The following ERBB2 variants were observed in gnomAD, a reference collection of about 807,000 sequenced individuals.
The protein encoded by ERBB2 is erb-b2 receptor tyrosine kinase 2.
A neutral mutation model predicts 149.0 loss-of-function variants in ERBB2; 61 were observed. That is an observed-to-expected ratio of 0.41 (90% CI 0.33 to 0.51). ERBB2 has a LOEUF of 0.51. Ranked by LOEUF, ERBB2 falls within the 20% of genes least tolerant of loss-of-function variation. The probability of loss-of-function intolerance (pLI) is 0.25; values close to 1 mark genes in which losing one functional copy is unlikely to be tolerated. For synonymous variants in ERBB2, 633 were observed against 678.8 expected (o/e 0.93, Z 1.05); for missense variants, 1,205 against 1,655.1 (o/e 0.73, Z 4.72).
chr17:39,715,987 G>GTGCTGGCA (rs758963776), intron 12 of ERBB2, 48 bp downstream of exon 12: 3 of 1,567,492 alleles, frequency 1.9e-6, no homozygotes, highest in African/African-American at 2.7e-5. Flanking sequence ...CCAGCACACA[G>GTGCTGGCA]CAGTGCCCAG....
In ERBB2 at chr17:39,717,378, G is replaced by A. The variant is rs758820578; in HGVS notation, c.1796G>A (p.Arg599His). The A allele has an allele frequency of 6.2e-6, 10 of 1,612,604 alleles. No homozygotes were observed. Among genetic ancestry groups the A allele is most frequent in the East Asian group, 2.2e-5 (1 of 44,884 alleles). Residue 599 changes from arginine to histidine, a missense_variant, in exon 15 of 27, where the codon CGC becomes CAC. This residue lies in a region of ERBB2 where 569 missense variants were observed against 803.5 expected (regional missense o/e 0.71). Transcript: ENST00000269571. ...HYKDPPFCVA[R>H]CPSGVKPDLS... Reference sequence around the variant, plus strand: ...AAGGACCCTCCCTTCTGCGTGGCCCGCTGCCCCAGCGGTGTGAAACCTGAC... The same window carrying A: ...AAGGACCCTCCCTTCTGCGTGGCCCACTGCCCCAGCGGTGTGAAACCTGAC...
At position 39,715,307 on chromosome 17, in the gene ERBB2, C is replaced by T. The variant is rs544011927; in HGVS notation, c.1170C>T (p.Ala390=). 6.8e-6 allele frequency: 11 copies of T among 1,614,028 alleles called. No homozygotes were observed. The South Asian group carries it at 1.1e-4, about 16-fold the overall frequency. Residue 390 remains alanine, a synonymous_variant, in exon 10 of 27, where the codon GCC becomes GCT. Coordinates refer to ENST00000269571, the MANE Select transcript of ERBB2 (RefSeq NM_004448.4). ...CCAGGGACCCAGCCTCCAACACTGC[C>T]CCGCTCCAGCCAGAGCAGCTCCAAG... is the stretch of plus-strand genomic sequence containing the variant. The part of the protein sequence containing the change: ...SFDGDPASNT[A]PLQPEQLQVF...
chr17:39,712,935 G>A (rs962337233), intron 9 of ERBB2, among the ~76,000 whole-genome samples: 11 of 152,126 alleles, frequency 7.2e-5, no homozygotes, highest in South Asian at 4.1e-4. Flanking sequence ...GCTCTGAACC[G>A]AAAAAACCAC....
upstream of ERBB2, chr17:39,699,957 G>A: frequency 8.2e-7 from 1 of 1,222,442 alleles, no homozygotes; most frequent in East Asian, 3.2e-5. Flanking sequence ...AATGCAGTTG[G>A]AGGGGGCGAG....
chr17:39,704,404 C>T (rs1261939677), intron 1 of ERBB2, among the ~76,000 whole-genome samples: 1 of 152,118 alleles, frequency 6.6e-6, no homozygotes, highest in East Asian at 1.9e-4. Context: ...TGAAACCCGC[C>T]TCAACTAAAA....
rs2145471149 is a variant in ERBB2 at position 39,709,342 on chromosome 17, T to C, written c.464T>C (p.Ile155Thr). Residue 155 changes from isoleucine to threonine, a missense_variant, in exon 4 of 27, where the codon ATC becomes ACC. Ile to Thr is a moderately conservative substitution (Grantham distance 89, BLOSUM62 -1). This residue lies in a region of ERBB2 where 569 missense variants were observed against 803.5 expected (regional missense o/e 0.71). Transcript: ENST00000269571. ...LTEILKGGVLIQRNPQLCYQD... is the reference protein window; with the variant it reads ...LTEILKGGVLTQRNPQLCYQD... ...GAGATCTTGAAAGGAGGGGTCTTGA[T>C]CCAGCGGAACCCCCAGCTCTGCTAC... is the stretch of plus-strand genomic sequence containing the variant. 1 of 1,614,030 alleles carries C rather than the reference T, an allele frequency of 6.2e-7. No homozygotes were observed. Among genetic ancestry groups the C allele is most frequent in the Non-Finnish European group, 8.5e-7 (1 of 1,179,990 alleles).
rs977256458 is a variant in ERBB2, at chr17:39,725,617, C to T, written c.2726-90C>T. On this transcript the variant is annotated intron_variant, in intron 22 of 26. Coordinates refer to ENST00000269571, the MANE Select transcript of ERBB2 (RefSeq NM_004448.4). The surrounding 1 kb of genome is among the most constrained non-coding windows in gnomAD (Gnocchi z 4.6). ...GCATCACATCTCCCCCTGCTACCTGCCATGATGCTAGACTCCTGAGCAGAA... is the reference window on the plus strand; with the variant it reads ...GCATCACATCTCCCCCTGCTACCTGTCATGATGCTAGACTCCTGAGCAGAA... 5 of 1,419,944 alleles carry T rather than the reference C, an allele frequency of 3.5e-6. No homozygotes were observed. Among genetic ancestry groups the T allele is most frequent in the Middle Eastern group, 3.6e-4 (2 of 5,502 alleles). 88.0% of individuals were successfully genotyped at this position (1,419,944 alleles called of 1,614,324 possible).
In ERBB2 at chr17:39,727,551, T is replaced by C. The variant is rs2059844222; in HGVS notation, c.3412+4T>C. 6.3e-7 allele frequency: 1 copy of C among 1,598,496 alleles called. No homozygotes were observed. ...CTGACCTGCAGCCCCCAGCCTGGTATGGAGTCCAGTCTAAGCAGAGAGACT... is the reference window on the plus strand; with the variant it reads ...CTGACCTGCAGCCCCCAGCCTGGTACGGAGTCCAGTCTAAGCAGAGAGACT... On this transcript the variant is annotated splice_donor_region_variant and intron_variant, in intron 26 of 26. Transcript: ENST00000269571. The surrounding 1 kb of genome is among the most constrained non-coding windows in gnomAD (Gnocchi z 4.3).
At chr17:39,706,745 C>G in intron 1 of ERBB2, 1 of 366,072 alleles carries the variant, frequency 2.7e-6, no homozygotes, top group Non-Finnish European at 4.9e-6. Flanking sequence ...CTGGGGCAGC[C>G]TCTGAATGCA....
At chr17:39,714,092 C>A (rs919757659) in intron 9 of ERBB2, among the ~76,000 whole-genome samples, 19 of 151,064 alleles carry the variant, frequency 1.3e-4, no homozygotes, top group Non-Finnish European at 2.5e-4. Flanking sequence ...CCCTTTCACA[C>A]TTCCTTTACC....
At chr17:39,697,349 G>GTTTT (rs1452125824), upstream of ERBB2, among the ~76,000 whole-genome samples, 21 of 132,338 alleles carry the variant, frequency 1.6e-4, no homozygotes, top group African/African-American at 5.7e-4. Context: ...TTGTTTTTTT[G>GTTTT]TTTTGTTTTT....
intron 9 of ERBB2, 100 bp from the exon 10 acceptor site, chr17:39,715,186 A>T: frequency 1.0e-6 from 1 of 973,318 alleles, no homozygotes; most frequent in Non-Finnish European, 1.6e-6. Flanking sequence ...AAAGGGTTTG[A>T]GTGAAGGCAT....
upstream of ERBB2, among the ~76,000 whole-genome samples, chr17:39,698,099 C>T (rs764312682): frequency 6.6e-6 from 1 of 152,142 alleles, no homozygotes; most frequent in Non-Finnish European, 1.5e-5. Flanking sequence ...ATTTATTGAG[C>T]AATTATTATG....
rs2059772371 is a variant in ERBB2, at chr17:39,726,502, G to A, written c.2873-60G>A. Reference sequence around the variant, plus strand: ...GACCAGACTGGAGGGGGAGTGGGAGGGGAGAGGCAGCAAGCACACAGGGCC... The same window carrying A: ...GACCAGACTGGAGGGGGAGTGGGAGAGGAGAGGCAGCAAGCACACAGGGCC... On this transcript the variant is annotated intron_variant, in intron 23 of 26. Coordinates refer to ENST00000269571, the MANE Select transcript of ERBB2 (RefSeq NM_004448.4). The surrounding 1 kb of genome is among the most constrained non-coding windows in gnomAD (Gnocchi z 5.1). The A allele has an allele frequency of 1.4e-6, 2 of 1,408,434 alleles. No individual in the cohort carries two copies. Among genetic ancestry groups the A allele is most frequent in the Non-Finnish European group, 2.0e-6 (2 of 996,090 alleles). 87.2% of individuals were successfully genotyped at this position (1,408,434 alleles called of 1,614,324 possible). A position where few individuals can be genotyped will look rare whatever the true frequency, so the allele number is the denominator to read the frequency against.
At chr17:39,704,049 G>A (rs1204370504) in intron 1 of ERBB2, among the ~76,000 whole-genome samples, 2 of 152,220 alleles carry the variant, frequency 1.3e-5, no homozygotes, top group Non-Finnish European at 2.9e-5. Flanking sequence ...CCAGCTCTGA[G>A]CAGAGAGATG....
intron 19 of ERBB2, among the ~76,000 whole-genome samples, chr17:39,724,272 A>ATTTTCTTTTTTTTTTTTTTTTTTTTTTTT (rs2059616116): frequency 1.3e-5 from 1 of 77,016 alleles, no homozygotes; most frequent in Non-Finnish European, 2.7e-5. Flanking sequence ...GCGCCCGCTA[A>ATTTTCTTTTTTTTTTTTTTTTTTTTTTTT]TTTTTTTTTT....
At position 39,708,442 on chromosome 17, in the gene ERBB2, T is replaced by C. The variant is rs1423090731; in HGVS notation, c.347T>C (p.Val116Ala). The C allele has an allele frequency of 6.2e-7, 1 of 1,614,206 alleles. No homozygotes were observed. Among genetic ancestry groups the C allele is most frequent in the East Asian group, 2.2e-5 (1 of 44,876 alleles). Residue 116 changes from valine (V) to alanine (A), a missense_variant, in exon 3 of 27, where the codon GTG becomes GCG. Around this residue, in one of 6 missense-constraint regions of ERBB2, gnomAD observed 569 missense variants for 803.5 expected, o/e 0.71. Coordinates refer to ENST00000269571, the MANE Select transcript of ERBB2 (RefSeq NM_004448.4). The part of the protein sequence containing the change: ...QLFEDNYALA[V>A]LDNGDPLNNT... ...TTTGAGGACAACTATGCCCTGGCCG[T>C]GCTAGACAATGGAGACCCGCTGAAC...
chr17:39,703,645 G>A lies in ERBB2; in HGVS notation c.73+3334G>A, dbSNP rs560808741. Among the ~76,000 whole-genome samples the A allele has an allele frequency of 2.0e-5, 3 of 152,354 alleles. No homozygotes were observed. In the East Asian group the frequency reaches 5.8e-4, roughly 29 times the overall value. Reference sequence around the variant, plus strand: ...CAAGTTGCAGGTACTGCAGGGCATAGAGATGAATCCGATTTAGCTTCTGCC... The same window carrying A: ...CAAGTTGCAGGTACTGCAGGGCATAAAGATGAATCCGATTTAGCTTCTGCC... On this transcript the variant is annotated intron_variant, in intron 1 of 26. Transcript: ENST00000269571.
At chr17:39,707,642 G>A (rs1302456251) in intron 2 of ERBB2, 2 of 153,254 alleles carry the variant, frequency 1.3e-5, no homozygotes, top group Non-Finnish European at 2.9e-5. Context: ...AGGGAGAGTG[G>A]AAACCAACCT....
Sources: gnomAD v4.1 joint callset for allele counts (sites outside exome capture counted in the v4.1 genomes callset) on GRCh38, gnomAD v4.1.1 for gene constraint, gnomAD v4.1.1 regional missense constraint, Gnocchi (gnomAD v3.1) non-coding constraint, MANE v1.5 for transcripts, NCBI Gene and HGNC (gene_info 2026-07-23, HGNC 2026-07-21) for gene names.